Variants in CHERP observed in about 807,000 individuals in gnomAD.
The protein encoded by CHERP is calcium homeostasis endoplasmic reticulum protein.
In CHERP, 8 loss-of-function variants were observed where a neutral mutation model predicts 113.8. The observed-to-expected ratio is 0.07, with a 90% CI of 0.04 to 0.13. CHERP has a LOEUF of 0.13. CHERP is among the 10% of genes least tolerant of loss of function. The pLI is 1.00. For missense variants in CHERP, 884 were observed against 1,298.2 expected, an observed-to-expected ratio of 0.68 and a Z score of 4.90; for synonymous variants, 559 against 524.5, an observed-to-expected ratio of 1.07 and a Z score of -0.90.
At chr19:16,524,769 GTTTT>G (rs925806394) in intron 10 of CHERP, among the ~76,000 whole-genome samples, 1 of 142,110 alleles carries the variant, frequency 7.0e-6, no homozygotes, top group East Asian at 2.1e-4. Context: ...GTAGTTTTTT[GTTTT>G]TTTTTTTTGA....
rs1959450800 is a variant in CHERP at position 16,542,362 on chromosome 19, G to A, written c.17C>T (p.Pro6Leu). Reference protein sequence around the residue: MEMPLPPDDQELRNVI... With the variant: MEMPLLPDDQELRNVI... ...GCCGGTTTGGGTCTCACCATCGGGGGGCAGCGGCATCTCCATGGCTCCGGC... is the reference window on the plus strand; with the variant it reads ...GCCGGTTTGGGTCTCACCATCGGGGAGCAGCGGCATCTCCATGGCTCCGGC... The change falls in exon 1 of 17, where the codon CCC (proline) becomes CTC (leucine). Residue 6 changes from proline to leucine, a missense_variant. Pro to Leu is a moderately conservative substitution (Grantham distance 98, BLOSUM62 -3). This residue lies in a region of CHERP where 17 missense variants were observed against 23.2 expected (regional missense o/e 0.73). Transcript: ENST00000546361. 4 of 1,394,608 alleles carry A rather than the reference G, an allele frequency of 2.9e-6. No homozygotes were observed. The highest frequency in any genetic ancestry group is 2.8e-6 in the Non-Finnish European group (3 of 1,067,894). The allele number at this position is 1,394,608 out of a possible 1,614,324, so 86.4% of individuals were successfully genotyped here. A position where few individuals can be genotyped will look rare whatever the true frequency, so the allele number is the denominator to read the frequency against.
chr19:16,521,712 C>T (rs759507094), intron 11 of CHERP, 58 bp from the exon 12 acceptor site: 46 of 1,477,880 alleles, frequency 3.1e-5, no homozygotes, highest in Non-Finnish European at 4.1e-5. Flanking sequence ...CAGGCCCACC[C>T]AGGGTCTGCA....
chr19:16,542,317 G>T, intron 1 of CHERP, 37 bp downstream of exon 1: 1 of 1,407,684 alleles, frequency 7.1e-7, no homozygotes, highest in Non-Finnish European at 9.3e-7. Context: ...AGGTTCCGGG[G>T]AGAGAGAAAC....
rs940629856 is a variant in CHERP, at chr19:16,520,562, C to G, written c.2202-55G>C. 1 of 1,568,696 alleles carries G rather than the reference C, an allele frequency of 6.4e-7. No individual in the cohort carries two copies. The highest frequency in any genetic ancestry group is 1.4e-5 in the African/African-American group (1 of 73,822). On this transcript the variant is annotated intron_variant, in intron 13 of 16. Coordinates refer to ENST00000546361, the MANE Select transcript of CHERP (RefSeq NM_006387.6). This position sits in a 1 kb window ranked among gnomAD's most constrained non-coding sequence, Gnocchi z 4.0. ...CCCAGTGGATGGGCTGCACCCAGCC[C>G]ACCCTGGCCCTCAGGTTCCTAGACC...
chr19:16,527,988 AG>A, intron 9 of CHERP, 91 bp downstream of exon 9: 2 of 1,243,976 alleles, frequency 1.6e-6, no homozygotes, highest in Non-Finnish European at 2.3e-6. Flanking sequence ...TTCCCCAGTA[AG>A]CCACTCAACG....
Position 16,525,108 on chromosome 19 carries a change from G to T in CHERP, c.1741+134C>A. On this transcript the variant is annotated intron_variant, in intron 10 of 16. Coordinates refer to ENST00000546361, the MANE Select transcript of CHERP (RefSeq NM_006387.6). The surrounding 1 kb of genome is among the most constrained non-coding windows in gnomAD (Gnocchi z 6.5). ...CCTGAGAACCCAGGCCGGGCTCCTC[G>T]GACGTCCCATGACCCTGTGTCTGTC... The T allele has an allele frequency of 2.3e-6, 2 of 868,010 alleles. No homozygotes were observed. Among genetic ancestry groups the T allele is most frequent in the Non-Finnish European group, 3.1e-6 (2 of 639,716 alleles). 53.8% of individuals were successfully genotyped at this position (868,010 alleles called of 1,614,324 possible).
At position 16,532,199 on chromosome 19, in the gene CHERP, G is replaced by A. The variant is rs193278159; in HGVS notation, c.674+399C>T. The stretch of plus-strand genomic sequence containing the variant: ...GCTGAGCAAAGTCAGGTGACCGCGT[G>A]TGTGTGCGTGCAAATCAGTGACGAG... On this transcript the variant is annotated intron_variant, in intron 5 of 16. Transcript: ENST00000546361. This position sits in a 1 kb window ranked among gnomAD's most constrained non-coding sequence, Gnocchi z 4.4. The A allele has an allele frequency of 6.0e-5, 11 of 182,500 alleles. No individual in the cohort carries two copies. Among genetic ancestry groups the A allele is most frequent in the Admixed American group, 5.5e-4 (10 of 18,170 alleles). 11.3% of individuals were successfully genotyped at this position (182,500 alleles called of 1,614,324 possible). A position where few individuals can be genotyped will look rare whatever the true frequency, so the allele number is the denominator to read the frequency against.
chr19:16,519,968 C>T lies in CHERP; in HGVS notation c.2462+181G>A, dbSNP rs995131029. 8.5e-6 allele frequency: 6 copies of T among 704,188 alleles called. No homozygotes were observed. Among genetic ancestry groups the T allele is most frequent in the Non-Finnish European group, 1.4e-5 (6 of 418,684 alleles). 43.6% of individuals were successfully genotyped at this position (704,188 alleles called of 1,614,324 possible). A position where few individuals can be genotyped will look rare whatever the true frequency, so the allele number is the denominator to read the frequency against. On this transcript the variant is annotated intron_variant, in intron 15 of 16. Coordinates refer to ENST00000546361, the MANE Select transcript of CHERP (RefSeq NM_006387.6). The surrounding 1 kb of genome is among the most constrained non-coding windows in gnomAD (Gnocchi z 6.0). The stretch of plus-strand genomic sequence containing the variant: ...CAGATGGTGGTTAGAAAGCAGACCC[C>T]AGTTACTGCCTCAGGCTTCGCCAAG...
intron 10 of CHERP, among the ~76,000 whole-genome samples, chr19:16,524,305 G>A (rs759996615): frequency 5.4e-5 from 8 of 148,462 alleles, no homozygotes; most frequent in African/African-American, 1.0e-4. Context: ...CTTTCATCCC[G>A]GCACTTTGGG....
rs2085593465 is a variant in CHERP, at chr19:16,519,967, CCA to C, written c.2462+180_2462+181del. 2 of 701,882 alleles carry C rather than the reference CCA, an allele frequency of 2.8e-6. No individual in the cohort carries two copies. The highest frequency in any genetic ancestry group is 2.7e-5 in the Admixed American group (1 of 37,418). 43.5% of individuals were successfully genotyped at this position (701,882 alleles called of 1,614,324 possible). ...CCAGATGGTGGTTAGAAAGCAGACC[CCA>C]GTTACTGCCTCAGGCTTCGCCAAGT... On this transcript the variant is annotated intron_variant, in intron 15 of 16. Transcript: ENST00000546361. The surrounding 1 kb of genome is among the most constrained non-coding windows in gnomAD (Gnocchi z 6.0).
rs769014572 is a variant in CHERP at position 16,523,125 on chromosome 19, T to G, written c.1907A>C (p.His636Pro). 6.5e-7 allele frequency: 1 copy of G among 1,547,066 alleles called. No individual in the cohort carries two copies. Among genetic ancestry groups the G allele is most frequent in the South Asian group, 1.2e-5 (1 of 82,832 alleles). Residue 636 changes from histidine to proline, a missense_variant, in exon 11 of 17, where the codon CAC becomes CCC. Around this residue, in one of 8 missense-constraint regions of CHERP, gnomAD observed 464 missense variants for 590.1 expected, o/e 0.79. Transcript: ENST00000546361. The surrounding 1 kb of genome is among the most constrained non-coding windows in gnomAD (Gnocchi z 4.0). ...MRRQGPPHIN[H>P]DDPSLVPNVP... ...ATTGGGGACCAGGCTGGGGTCATCGTGGTTGATGTGGGGTGGGCCCTGTCG... is the reference window on the plus strand; with the variant it reads ...ATTGGGGACCAGGCTGGGGTCATCGGGGTTGATGTGGGGTGGGCCCTGTCG...
In CHERP at chr19:16,531,554, G is replaced by C. The variant is rs1418104402; in HGVS notation, c.675-674C>G. On this transcript the variant is annotated intron_variant, in intron 5 of 16. Transcript: ENST00000546361. ...GCAGCTGGAAGCCCCTCAGCCCTCAGCTTGCCGCAGGGGGCTCAGGGGAGC... is the reference window on the plus strand; with the variant it reads ...GCAGCTGGAAGCCCCTCAGCCCTCACCTTGCCGCAGGGGGCTCAGGGGAGC... 5.2e-4 allele frequency among the ~76,000 whole-genome samples: 79 copies of C among 152,224 alleles called. 1 individual carries two copies. The highest frequency in any genetic ancestry group is 8.8e-5 in the Non-Finnish European group (6 of 68,018).
chr19:16,519,911 C>T lies in CHERP; in HGVS notation c.2463-196G>A, dbSNP rs1029618007. ...GCTCCAGACGCTGGCCCCCACCCCA[C>T]GCTCAGCATTGAGAGCAGGACACCT... On this transcript the variant is annotated intron_variant, in intron 15 of 16. Transcript: ENST00000546361. The surrounding 1 kb of genome is among the most constrained non-coding windows in gnomAD (Gnocchi z 6.0). The T allele has an allele frequency of 7.2e-5, 48 of 664,506 alleles. No homozygotes were observed. Among genetic ancestry groups the T allele is most frequent in the Non-Finnish European group, 1.1e-4 (43 of 382,374 alleles). 41.2% of individuals were successfully genotyped at this position (664,506 alleles called of 1,614,324 possible). A position where few individuals can be genotyped will look rare whatever the true frequency, so the allele number is the denominator to read the frequency against.
intron 5 of CHERP, among the ~76,000 whole-genome samples, chr19:16,531,275 A>C (rs551526663): frequency 2.0e-5 from 3 of 152,182 alleles, no homozygotes; most frequent in Admixed American, 6.5e-5. Context: ...TGTCCTTGTC[A>C]CTCACTATGC....
Position 16,525,339 on chromosome 19 carries a change from C to T in CHERP, c.1644G>A (p.Pro548=). ...PPHPHNFNRF[P]PRFMQDDFPP... ...GGAAGTCGTCCTGCATGAAGCGGGG[C>T]GGGAAGCGGTTGAAGTTGTGGGGGT... The change falls in exon 10 of 17, where the codon CCG becomes CCA. Residue 548 remains proline (P), a synonymous_variant. Transcript: ENST00000546361. The surrounding 1 kb of genome is among the most constrained non-coding windows in gnomAD (Gnocchi z 6.5). 2 of 1,477,842 alleles carry T rather than the reference C, an allele frequency of 1.4e-6. No individual in the cohort carries two copies. Among genetic ancestry groups the T allele is most frequent in the Non-Finnish European group, 1.8e-6 (2 of 1,113,018 alleles). 91.5% of individuals were successfully genotyped at this position (1,477,842 alleles called of 1,614,324 possible). A position where few individuals can be genotyped will look rare whatever the true frequency, so the allele number is the denominator to read the frequency against.
At position 16,534,463 on chromosome 19, in the gene CHERP, C is replaced by T. The variant is rs1301253042; in HGVS notation, c.384+989G>A. Among the ~76,000 whole-genome samples the T allele has an allele frequency of 2.6e-5, 4 of 152,152 alleles. No individual in the cohort carries two copies. In the East Asian group the frequency reaches 5.8e-4, roughly 22 times the overall value. ...TATTCCTCTCATTTTTCTGGCAATG[C>T]ACTTGTAGTATTTTATTTATTTATT... On this transcript the variant is annotated intron_variant, in intron 3 of 16. Coordinates refer to ENST00000546361, the MANE Select transcript of CHERP (RefSeq NM_006387.6).
Position 16,530,453 on chromosome 19 carries a change from T to C in CHERP, c.876+132A>G. The C allele has an allele frequency of 2.5e-6, 2 of 797,330 alleles. No individual in the cohort carries two copies. Among genetic ancestry groups the C allele is most frequent in the Non-Finnish European group, 4.3e-6 (2 of 470,424 alleles). 49.4% of individuals were successfully genotyped at this position (797,330 alleles called of 1,614,324 possible). A position where few individuals can be genotyped will look rare whatever the true frequency, so the allele number is the denominator to read the frequency against. On this transcript the variant is annotated intron_variant, in intron 7 of 16. Coordinates refer to ENST00000546361, the MANE Select transcript of CHERP (RefSeq NM_006387.6). The surrounding 1 kb of genome is among the most constrained non-coding windows in gnomAD (Gnocchi z 4.1). ...GACTCTCTGGTCAACACACACTGGC[T>C]ACTCCTAGCACAGGCAGGGGACATG...
chr19:16,519,013 G>A lies in CHERP; in HGVS notation c.*146C>T, dbSNP rs547989327. ...AGCACGGCGTTCCCACTGGGCATGC[G>A]CTGGTCTTCCTTCTCTTCCTGTGGC... On this transcript the variant is annotated 3_prime_UTR_variant, in exon 17 of 17. Transcript: ENST00000546361. The surrounding 1 kb of genome is among the most constrained non-coding windows in gnomAD (Gnocchi z 6.0). The A allele has an allele frequency of 5.2e-5, 40 of 772,944 alleles. No homozygotes were observed. In the African/African-American group the frequency reaches 5.6e-4, roughly 11 times the overall value. The allele number at this position is 772,944 out of a possible 1,614,324, so 47.9% of individuals were successfully genotyped here. A position where few individuals can be genotyped will look rare whatever the true frequency, so the allele number is the denominator to read the frequency against.
At chr19:16,542,240 A>C in intron 1 of CHERP, 114 bp downstream of exon 1, 5 of 1,135,416 alleles carry the variant, frequency 4.4e-6, no homozygotes, top group Non-Finnish European at 5.9e-6. Context: ...CCGCAGGCGA[A>C]GCCGCGAGGC....
Sources: allele counts gnomAD v4.1 joint callset (sites outside exome capture counted in the v4.1 genomes callset), GRCh38; gene constraint gnomAD v4.1.1; regional missense constraint gnomAD v4.1.1; non-coding constraint Gnocchi (gnomAD v3.1); transcripts MANE v1.5; gene names NCBI Gene and HGNC (gene_info 2026-07-23, HGNC 2026-07-21).